Variants in KPNA5 observed in about 807,000 individuals in gnomAD.
The protein encoded by KPNA5 is importin subunit alpha-6.
A neutral mutation model predicts 71.3 loss-of-function variants in KPNA5; 46 were observed. The observed-to-expected ratio is 0.65, with a 90% CI of 0.51 to 0.83. The LOEUF (loss-of-function observed/expected upper bound fraction) is 0.83, where lower values mean the gene tolerates loss of function less well. KPNA5 is among the 40% of genes least tolerant of loss of function. The pLI is 0.00. For synonymous variants in KPNA5, 207 were observed against 201.4 expected, an observed-to-expected ratio of 1.03 and a Z score of -0.24; for missense variants, 547 against 628.3, an observed-to-expected ratio of 0.87 and a Z score of 1.38.
chr6:116,706,806 A>C (rs185097492), intron 7 of KPNA5, among the ~76,000 whole-genome samples: 1 of 152,198 alleles, frequency 6.6e-6, no homozygotes, highest in Non-Finnish European at 1.5e-5. Context: ...AAAAGTAATT[A>C]AAAGGAAGTT....
chr6:116,723,958 G>A (rs1026281026), intron 9 of KPNA5, among the ~76,000 whole-genome samples: 3 of 152,080 alleles, frequency 2.0e-5, no homozygotes, highest in South Asian at 4.1e-4. Flanking sequence ...TAATGAAAAG[G>A]TTATAGCACT....
At chr6:116,712,919 A>T (rs1778756262) in intron 7 of KPNA5, among the ~76,000 whole-genome samples, 3 of 152,120 alleles carry the variant, frequency 2.0e-5, no homozygotes, top group Non-Finnish European at 4.4e-5. Context: ...CCTTGATTGA[A>T]TTACTCGCAG....
At chr6:116,729,288 C>T (rs139732531) in intron 12 of KPNA5, among the ~76,000 whole-genome samples, 76 of 150,400 alleles carry the variant, frequency 5.1e-4, no homozygotes, top group African/African-American at 1.7e-3. Flanking sequence ...AAAAACAGGC[C>T]GAAGTACCAG....
Position 116,692,335 on chromosome 6 carries a change from A to C in KPNA5, c.283A>C (p.Asn95His). ...TTDMVQMIFS[N>H]NADQQLTATQ... ...AGATATGGTTCAGATGATTTTTTCTAATAATGCTGATCAACAGCTAACAGC... is the reference window on the plus strand; with the variant it reads ...AGATATGGTTCAGATGATTTTTTCTCATAATGCTGATCAACAGCTAACAGC... Residue 95 changes from asparagine to histidine, a missense_variant, in exon 4 of 14, where the codon AAT becomes CAT. Physicochemically the swap from Asn to His is moderately conservative, Grantham distance 68. Coordinates refer to ENST00000368564, the MANE Select transcript of KPNA5 (RefSeq NM_001366306.2). The C allele has an allele frequency of 2.5e-6, 4 of 1,605,472 alleles. No homozygotes were observed. The highest frequency in any genetic ancestry group is 3.4e-6 in the Non-Finnish European group (4 of 1,177,528).
chr6:116,705,119 A>G lies in KPNA5; in HGVS notation c.615A>G (p.Arg205=). The part of the protein sequence containing the change: ...GNIAGDNAEC[R]DFVLNCEILP... ...TTGCTGGTGACAATGCAGAATGCAGAGATTTTGTTTTGAATTGTGAAATAC... is the reference window on the plus strand; with the variant it reads ...TTGCTGGTGACAATGCAGAATGCAGGGATTTTGTTTTGAATTGTGAAATAC... Residue 205 remains arginine (R), a synonymous_variant, in exon 7 of 14, where the codon AGA becomes AGG. Coordinates refer to ENST00000368564, the MANE Select transcript of KPNA5 (RefSeq NM_001366306.2). The G allele has an allele frequency of 6.2e-7, 1 of 1,612,892 alleles. No individual in the cohort carries two copies. Among genetic ancestry groups the G allele is most frequent in the Non-Finnish European group, 8.5e-7 (1 of 1,179,688 alleles).
intron 8 of KPNA5, among the ~76,000 whole-genome samples, chr6:116,720,439 G>A (rs1221470453): frequency 6.6e-6 from 1 of 151,708 alleles, no homozygotes; most frequent in Non-Finnish European, 1.5e-5. Context: ...GGGCAGAAAT[G>A]TTTTTACTTT....
chr6:116,691,561 TCATTTTTATCTGCTC>T (rs1318039193), intron 2 of KPNA5, among the ~76,000 whole-genome samples: 1 of 152,254 alleles, frequency 6.6e-6, no homozygotes, highest in Non-Finnish European at 1.5e-5. Context: ...TTTTTCTGCT[TCATTTTTATCTGCTC>T]CTGAATTAAT....
chr6:116,736,624 A>G lies in KPNA5; in HGVS notation c.*4301A>G, dbSNP rs115217694. ...GTTCTTGGAGTTAGCTGAGCTTCCT[A>G]GGATCCATGGATTTATAGTTTTCAT... On this transcript the variant is annotated 3_prime_UTR_variant, in exon 14 of 14. Coordinates refer to ENST00000368564, the MANE Select transcript of KPNA5 (RefSeq NM_001366306.2). 1.9e-3 allele frequency: 289 copies of G among 152,052 alleles called. No homozygotes were observed. The highest frequency in any genetic ancestry group is 6.6e-3 in the African/African-American group (273 of 41,530). The allele number at this position is 152,052 out of a possible 1,614,324, so 9.4% of individuals were successfully genotyped here. A position where few individuals can be genotyped will look rare whatever the true frequency, so the allele number is the denominator to read the frequency against.
Position 116,722,155 on chromosome 6 carries a change from A to T in KPNA5, c.786A>T (p.Arg262=). 1 of 1,602,972 alleles carries T rather than the reference A, an allele frequency of 6.2e-7. No individual in the cohort carries two copies. The highest frequency in any genetic ancestry group is 8.5e-7 in the Non-Finnish European group (1 of 1,173,844). Residue 262 remains arginine, a synonymous_variant, in exon 9 of 14, where the codon CGA becomes CGT. Transcript: ENST00000368564. ...CACCTTGCTTAAATGTCCTGTCACG[A>T]CTGTTGTTTAGCAGTGACCCAGATG... ...KVSPCLNVLS[R]LLFSSDPDVL...
chr6:116,681,254 G>T lies in KPNA5; in HGVS notation c.-81G>T, dbSNP rs991529121. 3.2e-6 allele frequency: 5 copies of T among 1,580,246 alleles called. No individual in the cohort carries two copies. In the East Asian group the frequency reaches 1.1e-4, roughly 36 times the overall value. Reference sequence around the variant, plus strand: ...GGTCGCTACGCTTCACGCCAGGGGCGGAGTGGCGGCCCTTCTGTTACCCGC... The same window carrying T: ...GGTCGCTACGCTTCACGCCAGGGGCTGAGTGGCGGCCCTTCTGTTACCCGC... On this transcript the variant is annotated 5_prime_UTR_variant, in exon 1 of 14. Coordinates refer to ENST00000368564, the MANE Select transcript of KPNA5 (RefSeq NM_001366306.2).
chr6:116,691,769 A>C (rs1014566965), intron 2 of KPNA5, among the ~76,000 whole-genome samples: 2 of 152,212 alleles, frequency 1.3e-5, no homozygotes, highest in African/African-American at 2.4e-5. Context: ...AAGTGCTATA[A>C]AATGACCATG....
rs1383265944 is a variant in KPNA5 at position 116,733,595 on chromosome 6, A to G, written c.*1272A>G. ...AGGTTTCAATAGAAAAATTATATAT[A>G]TATTTATACATATATATGTGTGTGT... On this transcript the variant is annotated 3_prime_UTR_variant, in exon 14 of 14. Transcript: ENST00000368564. The G allele has an allele frequency of 6.6e-6, 1 of 151,194 alleles. No individual in the cohort carries two copies. Among genetic ancestry groups the G allele is most frequent in the Non-Finnish European group, 1.5e-5 (1 of 67,534 alleles). 9.4% of individuals were successfully genotyped at this position (151,194 alleles called of 1,614,324 possible).
Position 116,732,437 on chromosome 6 carries a change from G to T in KPNA5, c.*114G>T, listed in dbSNP as rs1779536949. The T allele has an allele frequency of 2.0e-6, 1 of 497,594 alleles. No homozygotes were observed. Among genetic ancestry groups the T allele is most frequent in the Non-Finnish European group, 3.2e-6 (1 of 308,300 alleles). The allele number at this position is 497,594 out of a possible 1,614,324, so 30.8% of individuals were successfully genotyped here. The stretch of plus-strand genomic sequence containing the variant: ...CATAGAACAGTAAAGAGAATTTGAT[G>T]CACTTTTAGAAAGCAAAATGAAACA... On this transcript the variant is annotated 3_prime_UTR_variant, in exon 14 of 14. Transcript: ENST00000368564.
chr6:116,690,097 A>T (rs1777738892), intron 2 of KPNA5, among the ~76,000 whole-genome samples: 1 of 152,170 alleles, frequency 6.6e-6, no homozygotes, highest in Non-Finnish European at 1.5e-5. Context: ...ATTGTATTCT[A>T]TTCTATTGTA....
chr6:116,693,882 A>C (rs1381113523), intron 4 of KPNA5, among the ~76,000 whole-genome samples: 2 of 151,686 alleles, frequency 1.3e-5, no homozygotes. Flanking sequence ...CTAACATGTA[A>C]GTCTTTAATC....
Position 116,692,110 on chromosome 6 carries a change from G to A in KPNA5, c.194G>A (p.Ser65Asn). Residue 65 changes from serine to asparagine, a missense_variant, in exon 3 of 14, where the codon AGT (serine) becomes AAT (asparagine). By Grantham distance (46) the Ser-to-Asn change is conservative. Coordinates refer to ENST00000368564, the MANE Select transcript of KPNA5 (RefSeq NM_001366306.2). ...LPRNDESMLE[S>N]PIQDPDISST... ...AGAAATGATGAATCTATGCTTGAAA[G>A]TCCTATACAGGATCCAGATATTAGT... 1 of 1,612,824 alleles carries A rather than the reference G, an allele frequency of 6.2e-7. No homozygotes were observed. The highest frequency in any genetic ancestry group is 8.5e-7 in the Non-Finnish European group (1 of 1,179,136).
intron 5 of KPNA5, 120 bp from the exon 6 acceptor site, chr6:116,701,899 C>G (rs954400077): frequency 5.2e-6 from 4 of 763,706 alleles, no homozygotes; most frequent in Admixed American, 3.5e-5. Flanking sequence ...CACAATGAAT[C>G]TTAATATAAG....
chr6:116,684,706 A>G (rs905231595), intron 1 of KPNA5, among the ~76,000 whole-genome samples: 1 of 152,168 alleles, frequency 6.6e-6, no homozygotes, highest in African/African-American at 2.4e-5. Context: ...ATGATAGCAA[A>G]TGATCACTCC....
chr6:116,690,579 T>G (rs947981583), intron 2 of KPNA5, among the ~76,000 whole-genome samples: 2 of 150,364 alleles, frequency 1.3e-5, no homozygotes, highest in African/African-American at 4.9e-5. Context: ...GGAGGCAGAG[T>G]TTGCAGTGAG....
Sources: allele counts gnomAD v4.1 joint callset (sites outside exome capture counted in the v4.1 genomes callset), GRCh38; gene constraint gnomAD v4.1.1; transcripts MANE v1.5; gene names NCBI Gene and HGNC (gene_info 2026-07-23, HGNC 2026-07-21).